Variants in GABARAPL1 observed in about 807,000 individuals in gnomAD.
GABARAPL1 encodes GABA type A receptor associated protein like 1.
A neutral mutation model predicts 14.5 loss-of-function variants in GABARAPL1; 4 were observed. That is an observed-to-expected ratio of 0.28 (90% CI 0.14 to 0.63). The LOEUF is 0.63. Among genes scored for constraint, GABARAPL1 ranks in the 30% least tolerant of loss-of-function variants. The pLI is 0.84. For missense variants in GABARAPL1, 82 were observed against 139.2 expected (o/e 0.59, Z 2.07); for synonymous variants, 47 against 50.6 (o/e 0.93, Z 0.30).
intron 1 of GABARAPL1, chr12:10,214,026 C>T (rs1267109377): frequency 5.8e-6 from 2 of 347,408 alleles, no homozygotes; most frequent in Admixed American, 3.3e-5. Context: ...GGGCGTTTTC[C>T]CCATTACCCC....
chr12:10,216,471 T>C (rs1468724445), intron 1 of GABARAPL1, among the ~76,000 whole-genome samples: 4 of 151,738 alleles, frequency 2.6e-5, no homozygotes, highest in Non-Finnish European at 5.9e-5. Flanking sequence ...TTTTTTTTTT[T>C]CTGCGTCTTC....
At chr12:10,219,268 G>A (rs1949106684) in intron 2 of GABARAPL1, among the ~76,000 whole-genome samples, 1 of 150,502 alleles carries the variant, frequency 6.6e-6, no homozygotes, top group South Asian at 2.1e-4. Context: ...GCAGTGAGCC[G>A]AGATCGCACC....
Position 10,213,228 on chromosome 12 carries a change from AGAG to A in GABARAPL1, c.90+13_90+15del. Reference sequence around the variant, plus strand: ...ATCCGGACAGGGTCCCCGTGAGTGTAGAGGAGCGGAGGGGATGGGAGGGGAAGG... The same window carrying A: ...ATCCGGACAGGGTCCCCGTGAGTGTAGAGCGGAGGGGATGGGAGGGGAAGG... On this transcript the variant is annotated intron_variant, in intron 1 of 3. Coordinates refer to ENST00000266458, the MANE Select transcript of GABARAPL1 (RefSeq NM_031412.4). 4.4e-6 allele frequency: 6 copies of A among 1,376,492 alleles called. No homozygotes were observed. The highest frequency in any genetic ancestry group is 6.0e-6 in the Non-Finnish European group (6 of 995,312). 85.3% of individuals were successfully genotyped at this position (1,376,492 alleles called of 1,614,324 possible).
At chr12:10,220,947 T>TTAGCA in intron 3 of GABARAPL1, 1 of 1,285,156 alleles carries the variant, frequency 7.8e-7, no homozygotes, top group Non-Finnish European at 9.9e-7. Context: ...AGTTCATTAT[T>TTAGCA]TTACTCCCAT....
rs562583995 is a variant in GABARAPL1, at chr12:10,218,690, TTTAATTAA to T, written c.169+567_169+574del. 1.3e-3 allele frequency among the ~76,000 whole-genome samples: 191 copies of T among 152,042 alleles called. 1 individual carries two copies. The highest frequency in any genetic ancestry group is 2.2e-3 in the Non-Finnish European group (149 of 67,982). The stretch of plus-strand genomic sequence containing the variant: ...TGCCCATTATTTAAACCACTTTTAT[TTTAATTAA>T]TTAATTAATTAATTAATATTATTAT... On this transcript the variant is annotated intron_variant, in intron 2 of 3. Transcript: ENST00000266458.
intron 1 of GABARAPL1, among the ~76,000 whole-genome samples, chr12:10,215,822 C>A (rs1035645554): frequency 3.3e-5 from 5 of 151,934 alleles, no homozygotes; most frequent in African/African-American, 7.2e-5. Flanking sequence ...TCATGTCCCT[C>A]TGGTCTTCCT....
Position 10,221,927 on chromosome 12 carries a change from AAG to A in GABARAPL1, c.*78_*79del. On this transcript the variant is annotated 3_prime_UTR_variant, in exon 4 of 4. Transcript: ENST00000266458. ...GGGGTGTGTGTGCGCGACATGGGGA[AAG>A]AGGGTGGCTCCCACCGCAAGGAGAC... The A allele has an allele frequency of 7.3e-7, 1 of 1,371,236 alleles. No individual in the cohort carries two copies. Among genetic ancestry groups the A allele is most frequent in the Non-Finnish European group, 1.0e-6 (1 of 964,418 alleles). The allele number at this position is 1,371,236 out of a possible 1,614,324, so 84.9% of individuals were successfully genotyped here.
intron 2 of GABARAPL1, among the ~76,000 whole-genome samples, chr12:10,218,616 G>C (rs1247871456): frequency 6.6e-6 from 1 of 152,070 alleles, no homozygotes; most frequent in African/African-American, 2.4e-5. Flanking sequence ...ACCATGTCTT[G>C]TTGGATTTTG....
intron 1 of GABARAPL1, among the ~76,000 whole-genome samples, chr12:10,216,740 A>T (rs991151814): frequency 1.3e-5 from 2 of 151,714 alleles, no homozygotes; most frequent in Non-Finnish European, 2.9e-5. Flanking sequence ...GGGTTTCTCT[A>T]TGTTGGTCAG....
At chr12:10,221,214 A>C in intron 3 of GABARAPL1, 1 of 975,622 alleles carries the variant, frequency 1.0e-6, no homozygotes, top group Non-Finnish European at 1.2e-6. Context: ...CAAAGTCTGT[A>C]AATGGATTCA....
chr12:10,213,151 G>A lies in GABARAPL1; in HGVS notation c.22G>A (p.Asp8Asn). The change falls in exon 1 of 4, where the codon GAC (aspartate) becomes AAC (asparagine). Residue 8 changes from aspartate to asparagine, a missense_variant. Physicochemically the swap from Asp to Asn is conservative, Grantham distance 23 (BLOSUM62 1). This residue lies in a region of GABARAPL1 where 16 missense variants were observed against 18.0 expected (regional missense o/e 0.89). Coordinates refer to ENST00000266458, the MANE Select transcript of GABARAPL1 (RefSeq NM_031412.4). MKFQYKEDHPFEYRKKEG... is the reference protein window; with the variant it reads MKFQYKENHPFEYRKKEG... ...CATCATGAAGTTCCAGTACAAGGAG[G>A]ACCATCCCTTTGAGTATCGGAAAAA... is the stretch of plus-strand genomic sequence containing the variant. The A allele has an allele frequency of 1.9e-6, 3 of 1,588,318 alleles. No homozygotes were observed. The highest frequency in any genetic ancestry group is 2.6e-6 in the Non-Finnish European group (3 of 1,167,250).
chr12:10,216,778 G>A (rs1388389548), intron 1 of GABARAPL1, among the ~76,000 whole-genome samples: 1 of 151,874 alleles, frequency 6.6e-6, no homozygotes, highest in Non-Finnish European at 1.5e-5. Context: ...GACCTCAGAT[G>A]ATCCGCCCGC....
rs1451135365 is a variant in GABARAPL1 at position 10,222,726 on chromosome 12, G to A, written c.*874G>A. ...GACAGAGGTGTCTTATGTAGGGAGG[G>A]GGCAAGTATGAAGTAAGGTAATTAT... On this transcript the variant is annotated 3_prime_UTR_variant, in exon 4 of 4. Transcript: ENST00000266458. 1.3e-5 allele frequency: 2 copies of A among 152,042 alleles called. No homozygotes were observed. Among genetic ancestry groups the A allele is most frequent in the Non-Finnish European group, 2.9e-5 (2 of 68,016 alleles). The allele number at this position is 152,042 out of a possible 1,614,324, so 9.4% of individuals were successfully genotyped here.
intron 1 of GABARAPL1, 113 bp downstream of exon 1, chr12:10,213,332 G>T (rs1949068714): frequency 1.4e-6 from 1 of 725,202 alleles, no homozygotes; most frequent in Non-Finnish European, 2.5e-6. Flanking sequence ...GGGAGGTTCC[G>T]AGAATTACTT....
In GABARAPL1 at chr12:10,222,022, A is replaced by G; in HGVS notation, c.*170A>G. The G allele has an allele frequency of 3.1e-6, 2 of 635,974 alleles. No individual in the cohort carries two copies. Among genetic ancestry groups the G allele is most frequent in the East Asian group, 2.8e-5 (1 of 35,952 alleles). 39.4% of individuals were successfully genotyped at this position (635,974 alleles called of 1,614,324 possible). ...CATCACATTTTCACATGCTCAATTG[A>G]TATTTTTTGCTGCTTCCTCGGCCCA... On this transcript the variant is annotated 3_prime_UTR_variant, in exon 4 of 4. Transcript: ENST00000266458.
intron 3 of GABARAPL1, 60 bp from the exon 4 acceptor site, chr12:10,221,727 G>C: frequency 5.1e-6 from 8 of 1,582,052 alleles, no homozygotes; most frequent in Non-Finnish European, 6.9e-6. Context: ...GTGAGGCTCA[G>C]CATCTTAGAG....
chr12:10,217,941 C>T, intron 1 of GABARAPL1, 122 bp from the exon 2 acceptor site: 1 of 655,626 alleles, frequency 1.5e-6, no homozygotes. Context: ...AGAAATGAAA[C>T]AGGTGTCCTG....
rs771670368 is a variant in GABARAPL1 at position 10,220,553 on chromosome 12, T to C, written c.283T>C (p.Tyr95His). 3 of 1,613,854 alleles carry C rather than the reference T, an allele frequency of 1.9e-6. No homozygotes were observed. In the Admixed American group the frequency reaches 5.0e-5, roughly 27 times the overall value. Residue 95 changes from tyrosine to histidine, a missense_variant, in exon 3 of 4, where the codon TAT (tyrosine) becomes CAT (histidine). Transcript: ENST00000266458. ...CACCAGTGCTACCATGGGCCAACTG[T>C]ATGAGGTAATGGTTCTGGTTGCACA... ...PPTSATMGQL[Y>H]EDNHEEDYFL... is the part of the protein sequence containing the mutation.
intron 2 of GABARAPL1, 115 bp downstream of exon 2, chr12:10,218,256 G>A: frequency 1.3e-6 from 1 of 742,034 alleles, no homozygotes; most frequent in South Asian, 1.4e-5. Context: ...GAAGTGAGTG[G>A]GATGCTCTGG....
Sources: allele counts gnomAD v4.1 joint callset (sites outside exome capture counted in the v4.1 genomes callset), GRCh38; gene constraint gnomAD v4.1.1; regional missense constraint gnomAD v4.1.1; transcripts MANE v1.5; gene names NCBI Gene and HGNC (gene_info 2026-07-23, HGNC 2026-07-21).